The following XPNPEP3 variants were observed in gnomAD, a reference collection of about 807,000 sequenced individuals.
The protein encoded by XPNPEP3 is xaa-Pro aminopeptidase 3.
XPNPEP3 carries 41 observed loss-of-function variants against 60.0 expected under a neutral mutation model. The observed-to-expected ratio is 0.68, with a 90% CI of 0.53 to 0.89. XPNPEP3 has a LOEUF of 0.89. Ranked by LOEUF, XPNPEP3 falls within the 40% of genes least tolerant of loss-of-function variation. XPNPEP3 has a pLI of 0.00. For missense variants in XPNPEP3, 598 were observed against 638.9 expected, an observed-to-expected ratio of 0.94 and a Z score of 0.69; for synonymous variants, 212 against 223.2, an observed-to-expected ratio of 0.95 and a Z score of 0.45.
chr22:40,905,233 C>T (rs542838423), intron 4 of XPNPEP3, among the ~76,000 whole-genome samples: 47 of 152,000 alleles, frequency 3.1e-4, no homozygotes, highest in African/African-American at 1.1e-3. Flanking sequence ...GCGCGTACCA[C>T]CACGCCCAGC....
At chr22:40,858,153 C>A (rs1021315551) in intron 1 of XPNPEP3, among the ~76,000 whole-genome samples, 4 of 152,224 alleles carry the variant, frequency 2.6e-5, no homozygotes, top group African/African-American at 9.6e-5. Flanking sequence ...GTTGCTCAGA[C>A]TGGAGTGCAG....
intron 1 of XPNPEP3, among the ~76,000 whole-genome samples, chr22:40,864,510 G>T (rs1206223658): frequency 2.0e-5 from 3 of 152,066 alleles, no homozygotes; most frequent in Non-Finnish European, 4.4e-5. Flanking sequence ...CAATGGTGGG[G>T]TCTTGGCTCA....
chr22:40,870,474 T>G (rs2057999698), intron 2 of XPNPEP3: 1 of 154,294 alleles, frequency 6.5e-6, no homozygotes, highest in Non-Finnish European at 1.4e-5. Context: ...GGGATGCCTG[T>G]CCTAATTTTA....
chr22:40,900,703 T>C (rs1469418889), intron 4 of XPNPEP3, among the ~76,000 whole-genome samples: 1 of 152,112 alleles, frequency 6.6e-6, no homozygotes, highest in African/African-American at 2.4e-5. Context: ...CCAAGGTGGA[T>C]GGATCTTTTG....
At chr22:40,869,245 T>C in intron 2 of XPNPEP3, 130 bp downstream of exon 2, 2 of 748,762 alleles carry the variant, frequency 2.7e-6, no homozygotes, top group South Asian at 3.1e-5. Context: ...CACATGGCCA[T>C]TTTACACTAA....
intron 1 of XPNPEP3, chr22:40,860,567 T>G: frequency 2.8e-6 from 3 of 1,053,684 alleles, no homozygotes; most frequent in Non-Finnish European, 3.8e-6. Context: ...GTTTGTATAG[T>G]GGTTTTAATT....
In XPNPEP3 at chr22:40,932,792, A is replaced by G. The variant is rs2058259245; in HGVS notation, c.*6357A>G. ...AAAAGCACTTGTAACTGTCATTTAA[A>G]AAAAATAAAACTATAAAACAATATA... On this transcript the variant is annotated 3_prime_UTR_variant, in exon 10 of 10. Transcript: ENST00000357137. The G allele has an allele frequency of 1.3e-5, 2 of 152,240 alleles. No homozygotes were observed. The highest frequency in any genetic ancestry group is 6.5e-5 in the Admixed American group (1 of 15,268). 9.4% of individuals were successfully genotyped at this position (152,240 alleles called of 1,614,324 possible). A position where few individuals can be genotyped will look rare whatever the true frequency, so the allele number is the denominator to read the frequency against.
rs1256124996 is a variant in XPNPEP3 at position 40,928,735 on chromosome 22, A to C, written c.*2300A>C. 3.3e-5 allele frequency: 5 copies of C among 152,302 alleles called. 1 individual carries two copies. In the South Asian group the frequency reaches 1.0e-3, roughly 32 times the overall value. The allele number at this position is 152,302 out of a possible 1,614,324, so 9.4% of individuals were successfully genotyped here. A position where few individuals can be genotyped will look rare whatever the true frequency, so the allele number is the denominator to read the frequency against. On this transcript the variant is annotated 3_prime_UTR_variant, in exon 10 of 10. Transcript: ENST00000357137. ...AATTTGAGGGTTTCTTAAAAAAACA[A>C]TTTGTATTAGGGAAGCACAAGCTAG...
chr22:40,919,000 G>A (rs1427434445), intron 7 of XPNPEP3, among the ~76,000 whole-genome samples: 6 of 151,480 alleles, frequency 4.0e-5, no homozygotes, highest in Non-Finnish European at 8.8e-5. Flanking sequence ...ATGCCACCCC[G>A]CCTGGCTAAT....
At chr22:40,909,655 C>T (rs956498201) in intron 6 of XPNPEP3, among the ~76,000 whole-genome samples, 13 of 152,018 alleles carry the variant, frequency 8.6e-5, no homozygotes, top group Non-Finnish European at 1.5e-5. Context: ...ATCCCAGCTA[C>T]TCTGGAGGCT....
chr22:40,890,177 C>T (rs926386253), intron 4 of XPNPEP3, among the ~76,000 whole-genome samples: 4 of 152,116 alleles, frequency 2.6e-5, no homozygotes, highest in Non-Finnish European at 4.4e-5. Context: ...TTTTACCTGA[C>T]CCCTATATTA....
chr22:40,864,670 C>T (rs891618198), intron 1 of XPNPEP3, among the ~76,000 whole-genome samples: 16 of 152,182 alleles, frequency 1.1e-4, no homozygotes, highest in African/African-American at 3.9e-4. Flanking sequence ...ATCTCGAACT[C>T]CCAACCTCAG....
chr22:40,878,223 AT>A (rs1024393259), intron 2 of XPNPEP3, among the ~76,000 whole-genome samples: 11 of 151,848 alleles, frequency 7.2e-5, no homozygotes, highest in Admixed American at 4.6e-4. Flanking sequence ...AAAAAAAAAA[AT>A]GTGTTGTGAT....
At chr22:40,873,702 TAGG>T (rs1222359992) in intron 2 of XPNPEP3, among the ~76,000 whole-genome samples, 3 of 151,908 alleles carry the variant, frequency 2.0e-5, no homozygotes, top group Non-Finnish European at 1.5e-5. Context: ...GAAGCTGAAG[TAGG>T]AGGATTGTTT....
At chr22:40,915,485 G>A (rs113065757) in intron 7 of XPNPEP3, among the ~76,000 whole-genome samples, 19 of 151,814 alleles carry the variant, frequency 1.3e-4, no homozygotes, top group African/African-American at 4.3e-4. Flanking sequence ...CCCAGGGGAC[G>A]GAAGTTGCAG....
intron 1 of XPNPEP3, among the ~76,000 whole-genome samples, chr22:40,868,728 C>T (rs2057991155): frequency 6.6e-6 from 1 of 152,016 alleles, no homozygotes; most frequent in Non-Finnish European, 1.5e-5. Context: ...CACCTGTAAT[C>T]CCAGCTATGT....
intron 4 of XPNPEP3, among the ~76,000 whole-genome samples, chr22:40,886,952 C>G (rs2146254778): frequency 6.6e-6 from 1 of 152,158 alleles, no homozygotes; most frequent in South Asian, 2.1e-4. Flanking sequence ...AGCTTCTGCT[C>G]CAGTGTGTAG....
intron 4 of XPNPEP3, among the ~76,000 whole-genome samples, chr22:40,900,033 C>G (rs927074500): frequency 3.3e-5 from 5 of 151,866 alleles, no homozygotes; most frequent in African/African-American, 9.7e-5. Flanking sequence ...CCACTGCATT[C>G]CAGCCTGGGC....
chr22:40,858,882 G>A (rs1372769101), intron 1 of XPNPEP3, among the ~76,000 whole-genome samples: 2 of 152,136 alleles, frequency 1.3e-5, no homozygotes, highest in Non-Finnish European at 2.9e-5. Flanking sequence ...GGCATTACAC[G>A]AAAATGATTC....
Sources: gnomAD v4.1 joint callset for allele counts (sites outside exome capture counted in the v4.1 genomes callset) on GRCh38, gnomAD v4.1.1 for gene constraint, MANE v1.5 for transcripts, NCBI Gene and HGNC (gene_info 2026-07-23, HGNC 2026-07-21) for gene names.